Variants in NRG3 observed in about 807,000 individuals in gnomAD.
NRG3 encodes neuregulin 3.
In NRG3, 31 loss-of-function variants were observed where a neutral mutation model predicts 66.9. That is an observed-to-expected ratio of 0.46 (90% CI 0.35 to 0.63). The LOEUF (loss-of-function observed/expected upper bound fraction) is 0.63, where lower values mean the gene tolerates loss of function less well. Among genes scored for constraint, NRG3 ranks in the 20% least tolerant of loss-of-function variants. The pLI, the probability that NRG3 is intolerant of heterozygous loss-of-function variation, is 0.00. For missense variants in NRG3, 910 were observed against 878.9 expected, an observed-to-expected ratio of 1.04 and a Z score of -0.45; for synonymous variants, 393 against 359.4, an observed-to-expected ratio of 1.09 and a Z score of -1.06.
chr10:82,165,708 AG>A (rs2071991105), intron 1 of NRG3, among the ~76,000 whole-genome samples: 2 of 151,468 alleles, frequency 1.3e-5, no homozygotes, highest in South Asian at 2.1e-4. Context: ...TTTTTTTGAG[AG>A]GGGGCGTGAC....
At chr10:82,451,070 G>A (rs967553461) in intron 2 of NRG3, among the ~76,000 whole-genome samples, 1 of 152,186 alleles carries the variant, frequency 6.6e-6, no homozygotes, top group African/African-American at 2.4e-5. Context: ...ATAGTAAGCA[G>A]TTCTGTCCCT....
chr10:82,132,496 T>TATATG (rs1564593550), intron 1 of NRG3, among the ~76,000 whole-genome samples: 5 of 50,272 alleles, frequency 9.9e-5, no homozygotes, highest in African/African-American at 2.3e-4. Context: ...ATATATGATA[T>TATATG]ATATATATCA....
chr10:82,513,753 C>T (rs1253035004), intron 2 of NRG3, among the ~76,000 whole-genome samples: 1 of 152,040 alleles, frequency 6.6e-6, no homozygotes, highest in Admixed American at 6.6e-5. Flanking sequence ...GCACTCCAGC[C>T]TGGGCAATAG....
intron 2 of NRG3, among the ~76,000 whole-genome samples, chr10:82,462,801 T>G (rs2091581635): frequency 6.6e-6 from 1 of 152,084 alleles, no homozygotes; most frequent in Non-Finnish European, 1.5e-5. Flanking sequence ...GTTTATTGAG[T>G]GGGAGATATG....
At chr10:82,778,470 G>A (rs1208421801) in intron 3 of NRG3, among the ~76,000 whole-genome samples, 6 of 152,164 alleles carry the variant, frequency 3.9e-5, no homozygotes, top group Non-Finnish European at 7.3e-5. Flanking sequence ...GTGAGTGCAA[G>A]CAGGCAAAAT....
intron 1 of NRG3, among the ~76,000 whole-genome samples, chr10:82,349,740 G>A (rs1304101470): frequency 2.0e-5 from 3 of 152,286 alleles, no homozygotes; most frequent in African/African-American, 2.4e-5. Flanking sequence ...AGGACCCTCC[G>A]AGCCAGGTGC....
chr10:82,925,743 C>T (rs1186178021), intron 4 of NRG3, among the ~76,000 whole-genome samples: 2 of 151,868 alleles, frequency 1.3e-5, no homozygotes, highest in African/African-American at 4.9e-5. Flanking sequence ...AAAAGTCACT[C>T]TTTCTTTGCT....
chr10:82,150,316 C>G (rs746183470), intron 1 of NRG3, among the ~76,000 whole-genome samples: 50 of 152,122 alleles, frequency 3.3e-4, no homozygotes, highest in Middle Eastern at 3.4e-3. Context: ...TGGGGGCGCT[C>G]CTGCCCAGCT....
intron 1 of NRG3, among the ~76,000 whole-genome samples, chr10:82,112,378 G>A (rs1189968420): frequency 1.3e-5 from 2 of 152,048 alleles, no homozygotes; most frequent in African/African-American, 2.4e-5. Flanking sequence ...GAAGTTGTGG[G>A]GTTATTCTTT....
At chr10:81,950,993 T>C (rs1439523413) in intron 1 of NRG3, among the ~76,000 whole-genome samples, 3 of 152,180 alleles carry the variant, frequency 2.0e-5, no homozygotes, top group Admixed American at 6.6e-5. Context: ...TGCTTGTTAC[T>C]ACTAATTAGG....
intron 2 of NRG3, among the ~76,000 whole-genome samples, chr10:82,444,726 T>C (rs993518041): frequency 1.3e-5 from 2 of 152,174 alleles, no homozygotes; most frequent in African/African-American, 2.4e-5. Context: ...AAAGTTTTCA[T>C]TGAAACTATA....
intron 2 of NRG3, among the ~76,000 whole-genome samples, chr10:82,697,668 A>G (rs924353683): frequency 6.6e-6 from 1 of 152,198 alleles, no homozygotes; most frequent in African/African-American, 2.4e-5. Flanking sequence ...AATTGGAATG[A>G]TATCCTTTTT....
At chr10:81,910,295 C>A (rs936060543) in intron 1 of NRG3, among the ~76,000 whole-genome samples, 4 of 152,148 alleles carry the variant, frequency 2.6e-5, no homozygotes, top group African/African-American at 9.7e-5. Flanking sequence ...GAAATAACTA[C>A]TCAGGGCAGG....
At position 82,938,296 on chromosome 10, in the gene NRG3, T is replaced by G. The variant is rs147898457; in HGVS notation, c.1055-13173T>G. The stretch of plus-strand genomic sequence containing the variant: ...AACGTACACAGATCTAGCTTCCTAG[T>G]GCTGGAAATTCAGATCTGCTCTGGG... On this transcript the variant is annotated intron_variant, in intron 4 of 8. Coordinates refer to ENST00000372141, the MANE Select transcript of NRG3 (RefSeq NM_001010848.4). 8.3e-4 allele frequency among the ~76,000 whole-genome samples: 127 copies of G among 152,350 alleles called. 1 individual carries two copies. The highest frequency in any genetic ancestry group is 2.9e-3 in the African/African-American group (119 of 41,590).
intron 4 of NRG3, among the ~76,000 whole-genome samples, chr10:82,867,579 T>C (rs1840878959): frequency 6.6e-6 from 1 of 152,030 alleles, no homozygotes; most frequent in Admixed American, 6.6e-5. Flanking sequence ...TCTCCAATGT[T>C]GAAAGTGAGA....
At chr10:81,996,129 C>T (rs2060930601) in intron 1 of NRG3, among the ~76,000 whole-genome samples, 1 of 152,148 alleles carries the variant, frequency 6.6e-6, no homozygotes, top group Non-Finnish European at 1.5e-5. Flanking sequence ...AAAAATATCA[C>T]ATAGTGTGTT....
At chr10:82,011,148 A>C (rs1006869640) in intron 1 of NRG3, among the ~76,000 whole-genome samples, 2 of 152,172 alleles carry the variant, frequency 1.3e-5, no homozygotes, top group African/African-American at 4.8e-5. Flanking sequence ...AAAGAGTTTT[A>C]ATGGACTCAC....
chr10:81,909,217 T>C (rs888412412), intron 1 of NRG3, among the ~76,000 whole-genome samples: 4 of 152,202 alleles, frequency 2.6e-5, no homozygotes, highest in Non-Finnish European at 4.4e-5. Flanking sequence ...TGCATCTATG[T>C]TTCTATGTTC....
intron 4 of NRG3, among the ~76,000 whole-genome samples, chr10:82,922,944 C>G (rs1004113820): frequency 1.3e-5 from 2 of 152,106 alleles, no homozygotes; most frequent in African/African-American, 4.8e-5. Flanking sequence ...ACTTGCAATC[C>G]CCAAATCCAG....
Sources: gnomAD v4.1 joint callset for allele counts (sites outside exome capture counted in the v4.1 genomes callset) on GRCh38, gnomAD v4.1.1 for gene constraint, MANE v1.5 for transcripts, NCBI Gene and HGNC (gene_info 2026-07-23, HGNC 2026-07-21) for gene names.